Variants in KIF6 observed in about 807,000 individuals in gnomAD.
KIF6 encodes kinesin-like protein KIF6.
KIF6 carries 106 observed loss-of-function variants against 112.7 expected under a neutral mutation model. That is an observed-to-expected ratio of 0.94 (90% CI 0.80 to 1.11). KIF6 has a LOEUF of 1.11. KIF6 is among the 50% of genes least tolerant of loss of function. The pLI, the probability that KIF6 is intolerant of heterozygous loss-of-function variation, is 0.00. For synonymous variants in KIF6, 339 were observed against 339.9 expected, an observed-to-expected ratio of 1.00 and a Z score of 0.03; for missense variants, 929 against 964.0, an observed-to-expected ratio of 0.96 and a Z score of 0.48.
intron 13 of KIF6, among the ~76,000 whole-genome samples, chr6:39,461,611 T>C (rs1349174089): frequency 1.3e-5 from 2 of 152,202 alleles, no homozygotes; most frequent in Non-Finnish European, 2.9e-5. Flanking sequence ...CATAAAATTA[T>C]TGATATATTT....
At chr6:39,399,238 T>C (rs908762960) in intron 15 of KIF6, among the ~76,000 whole-genome samples, 7 of 152,228 alleles carry the variant, frequency 4.6e-5, no homozygotes, top group African/African-American at 1.7e-4. Context: ...GATGTGGATG[T>C]GTCCTTGTCC....
At chr6:39,480,454 T>C (rs1400471545) in intron 13 of KIF6, among the ~76,000 whole-genome samples, 1 of 152,208 alleles carries the variant, frequency 6.6e-6, no homozygotes, top group African/African-American at 2.4e-5. Context: ...TTTAGTTAGC[T>C]AGTATTTTTG....
At chr6:39,473,150 T>G (rs970264102) in intron 13 of KIF6, among the ~76,000 whole-genome samples, 1 of 152,002 alleles carries the variant, frequency 6.6e-6, no homozygotes, top group Non-Finnish European at 1.5e-5. Context: ...CCTCCCAAAG[T>G]GCTGGGATTA....
At chr6:39,456,663 A>G in intron 13 of KIF6, among the ~76,000 whole-genome samples, 2 of 109,174 alleles carry the variant, frequency 1.8e-5, no homozygotes, top group African/African-American at 4.6e-5. Context: ...TCAAAATAAA[A>G]GGATGGAGGA....
Position 39,720,830 on chromosome 6 carries a change from CA to C in KIF6, c.67-20del, listed in dbSNP as rs764465587. On this transcript the variant is annotated intron_variant, in intron 1 of 22. Coordinates refer to ENST00000287152, the MANE Select transcript of KIF6 (RefSeq NM_145027.6). ...AATAAATCTGCAAATGTGAAGACAACAAATGGATATAAAATGGTGAAATTAT... is the reference window on the plus strand; with the variant it reads ...AATAAATCTGCAAATGTGAAGACAACAATGGATATAAAATGGTGAAATTAT... 1 of 1,045,794 alleles carries C rather than the reference CA, an allele frequency of 9.6e-7. No homozygotes were observed. Among genetic ancestry groups the C allele is most frequent in the South Asian group, 1.3e-5 (1 of 79,146 alleles). 64.8% of individuals were successfully genotyped at this position (1,045,794 alleles called of 1,614,324 possible).
intron 19 of KIF6, among the ~76,000 whole-genome samples, chr6:39,356,137 T>C (rs749095477): frequency 6.6e-6 from 1 of 152,102 alleles, no homozygotes; most frequent in Non-Finnish European, 1.5e-5. Flanking sequence ...CAGTATTTTG[T>C]AGAGTGTCCT....
At chr6:39,458,218 T>C (rs935031086) in intron 13 of KIF6, among the ~76,000 whole-genome samples, 1 of 148,476 alleles carries the variant, frequency 6.7e-6, no homozygotes, top group Non-Finnish European at 1.5e-5. Context: ...TGGTTCAATA[T>C]ACGCAAATCA....
chr6:39,377,783 T>C (rs946699770), intron 16 of KIF6, among the ~76,000 whole-genome samples: 2 of 152,218 alleles, frequency 1.3e-5, no homozygotes, highest in Non-Finnish European at 2.9e-5. Flanking sequence ...GAGCTGCCTC[T>C]GCCTGATTTC....
intron 3 of KIF6, among the ~76,000 whole-genome samples, chr6:39,701,249 C>G (rs2113836522): frequency 6.6e-6 from 1 of 152,300 alleles, no homozygotes. Context: ...TAGCCACCTC[C>G]TAGGCAAGTC....
At chr6:39,432,290 A>C (rs1191401534) in intron 13 of KIF6, among the ~76,000 whole-genome samples, 2 of 152,172 alleles carry the variant, frequency 1.3e-5, no homozygotes, top group African/African-American at 2.4e-5. Context: ...AATCAGGTTG[A>C]GAATGAAGCT....
intron 16 of KIF6, among the ~76,000 whole-genome samples, chr6:39,372,739 T>G (rs1203767893): frequency 1.3e-5 from 2 of 152,248 alleles, no homozygotes; most frequent in African/African-American, 4.8e-5. Flanking sequence ...CACAATTCAC[T>G]CTACCCTTTC....
intron 13 of KIF6, among the ~76,000 whole-genome samples, chr6:39,502,912 G>A (rs948403624): frequency 5.9e-5 from 9 of 151,970 alleles, no homozygotes; most frequent in East Asian, 5.8e-4. Flanking sequence ...GTAACACCCC[G>A]CTGACAATAT....
rs377199828 is a variant in KIF6, at chr6:39,484,315, G to T, written c.1646-53154C>A. On this transcript the variant is annotated intron_variant, in intron 13 of 22. Transcript: ENST00000287152. ...GTGTGAGACACAAAGTAGAGAGGAG[G>T]CTAATAATGATGAATAAATTCATTT... Among the ~76,000 whole-genome samples the T allele has an allele frequency of 1.9e-4, 29 of 152,318 alleles. No homozygotes were observed. In the East Asian group the frequency reaches 3.9e-3, roughly 20 times the overall value.
intron 15 of KIF6, among the ~76,000 whole-genome samples, chr6:39,391,588 G>T (rs1581749541): frequency 6.6e-6 from 1 of 152,202 alleles, no homozygotes; most frequent in Admixed American, 6.5e-5. Context: ...GGCCTGGAGG[G>T]TCTGTCAGCC....
chr6:39,513,254 G>C (rs1377697570), intron 13 of KIF6, among the ~76,000 whole-genome samples: 2 of 152,240 alleles, frequency 1.3e-5, no homozygotes, highest in East Asian at 3.9e-4. Flanking sequence ...AGCACCTGTG[G>C]CATCTGCATC....
rs183610311 is a variant in KIF6 at position 39,354,026 on chromosome 6, G to A, written c.2180+3251C>T. The stretch of plus-strand genomic sequence containing the variant: ...GTCCAAGCCCAGATTGATAGATGAC[G>A]ATGGCAATGACCAGCCTACATAAGG... On this transcript the variant is annotated intron_variant, in intron 19 of 22. Transcript: ENST00000287152. The A allele has an allele frequency of 1.1e-4, 40 of 355,856 alleles. 1 individual carries two copies. Among genetic ancestry groups the A allele is most frequent in the South Asian group, 4.8e-4 (20 of 41,574 alleles). 22.0% of individuals were successfully genotyped at this position (355,856 alleles called of 1,614,324 possible).
chr6:39,696,309 C>A (rs1349469065), intron 3 of KIF6, among the ~76,000 whole-genome samples: 3 of 152,150 alleles, frequency 2.0e-5, no homozygotes, highest in African/African-American at 7.2e-5. Flanking sequence ...AATAATAGTA[C>A]TAAACATTCT....
intron 13 of KIF6, among the ~76,000 whole-genome samples, chr6:39,443,454 TTTTA>T (rs1772082616): frequency 6.6e-6 from 1 of 152,194 alleles, no homozygotes; most frequent in South Asian, 2.1e-4. Flanking sequence ...TTTATTTTTA[TTTTA>T]TTTAAGACAG....
At chr6:39,708,623 T>C (rs1356166168) in intron 3 of KIF6, among the ~76,000 whole-genome samples, 2 of 152,190 alleles carry the variant, frequency 1.3e-5, no homozygotes, top group Non-Finnish European at 2.9e-5. Flanking sequence ...GCAAAATTAC[T>C]CACTGCACAT....
Sources: allele counts gnomAD v4.1 joint callset (sites outside exome capture counted in the v4.1 genomes callset), GRCh38; gene constraint gnomAD v4.1.1; transcripts MANE v1.5; gene names NCBI Gene and HGNC (gene_info 2026-07-23, HGNC 2026-07-21).